The following CCDC85A variants were observed in gnomAD, a reference collection of about 807,000 sequenced individuals.
CCDC85A encodes the protein coiled-coil domain containing 85A.
A neutral mutation model predicts 50.2 loss-of-function variants in CCDC85A; 38 were observed. That is an observed-to-expected ratio of 0.76 (90% confidence interval 0.58 to 0.99). The LOEUF (loss-of-function observed/expected upper bound fraction) is 0.99. Ranked by LOEUF, CCDC85A falls within the 50% of genes least tolerant of loss-of-function variation. CCDC85A has a pLI of 0.00. For synonymous variants in CCDC85A, 366 were observed against 301.4 expected (o/e 1.21, Z -2.22); for missense variants, 820 against 742.0 (o/e 1.11, Z -1.22).
At chr2:56,270,630 A>T (rs183396909) in intron 2 of CCDC85A, among the ~76,000 whole-genome samples, 7 of 152,290 alleles carry the variant, frequency 4.6e-5, no homozygotes, top group Admixed American at 6.5e-5. Context: ...TTTCAAATTA[A>T]TTTTAATGAA....
intron 2 of CCDC85A, among the ~76,000 whole-genome samples, chr2:56,260,655 G>C (rs187770441): frequency 6.6e-6 from 1 of 152,204 alleles, no homozygotes; most frequent in African/African-American, 2.4e-5. Flanking sequence ...CTGCCAGGAA[G>C]CATCATTTGA....
intron 2 of CCDC85A, among the ~76,000 whole-genome samples, chr2:56,263,694 TA>T (rs1165181676): frequency 1.3e-5 from 2 of 152,242 alleles, no homozygotes; most frequent in Non-Finnish European, 2.9e-5. Flanking sequence ...GCCTTCTTCC[TA>T]TAGTAGAGAG....
intron 2 of CCDC85A, among the ~76,000 whole-genome samples, chr2:56,301,860 G>C (rs910494793): frequency 1.3e-5 from 2 of 152,158 alleles, no homozygotes; most frequent in African/African-American, 4.8e-5. Flanking sequence ...AATACGTGCA[G>C]GGCTTAAAAC....
rs145916052 is a variant in CCDC85A at position 56,327,003 on chromosome 2, A to G, written c.1241-15876A>G. On this transcript the variant is annotated intron_variant, in intron 2 of 5. Coordinates refer to ENST00000407595, the MANE Select transcript of CCDC85A (RefSeq NM_001080433.2). Reference sequence around the variant, plus strand: ...ACTACCATAATCAGAACTGGTATGCATCTATCACATGGATGTGCTTTATTC... The same window carrying G: ...ACTACCATAATCAGAACTGGTATGCGTCTATCACATGGATGTGCTTTATTC... Among the ~76,000 whole-genome samples the G allele has an allele frequency of 6.2e-4, 94 of 152,254 alleles. No individual in the cohort carries two copies. In the East Asian group the frequency reaches 0.016, roughly 26 times the overall value.
At chr2:56,202,287 C>G (rs1217374233) in intron 2 of CCDC85A, among the ~76,000 whole-genome samples, 1 of 152,210 alleles carries the variant, frequency 6.6e-6, no homozygotes, top group Non-Finnish European at 1.5e-5. Context: ...ACACACAGTT[C>G]ACAGCTGGAT....
At chr2:56,253,282 G>C (rs144669062) in intron 2 of CCDC85A, among the ~76,000 whole-genome samples, 135 of 152,308 alleles carry the variant, frequency 8.9e-4, no homozygotes, top group African/African-American at 3.2e-3. Flanking sequence ...TCTAGAGCAA[G>C]AGACTAGAAA....
At chr2:56,247,637 A>G (rs1669569459) in intron 2 of CCDC85A, among the ~76,000 whole-genome samples, 1 of 152,238 alleles carries the variant, frequency 6.6e-6, no homozygotes, top group African/African-American at 2.4e-5. Flanking sequence ...AACTGATAAA[A>G]GTGGCTCCTT....
chr2:56,344,764 C>T (rs942710605), intron 3 of CCDC85A, among the ~76,000 whole-genome samples: 1 of 151,966 alleles, frequency 6.6e-6, no homozygotes, highest in African/African-American at 2.4e-5. Context: ...AAGAAACCTA[C>T]AAAATCTAGT....
intron 3 of CCDC85A, among the ~76,000 whole-genome samples, chr2:56,351,806 T>A: frequency 6.6e-6 from 1 of 151,938 alleles, no homozygotes; most frequent in African/African-American, 2.4e-5. Context: ...GTAGGTTGCC[T>A]GTTCACTCCA....
At chr2:56,251,149 G>A (rs372485873) in intron 2 of CCDC85A, among the ~76,000 whole-genome samples, 32 of 152,304 alleles carry the variant, frequency 2.1e-4, no homozygotes, top group African/African-American at 6.5e-4. Flanking sequence ...GCAACAATGT[G>A]TTGGTGAACT....
intron 3 of CCDC85A, among the ~76,000 whole-genome samples, chr2:56,343,704 T>C (rs1316011658): frequency 6.6e-6 from 1 of 152,226 alleles, no homozygotes; most frequent in Non-Finnish European, 1.5e-5. Context: ...TAATGTTTTA[T>C]AACAAGAAGT....
intron 2 of CCDC85A, among the ~76,000 whole-genome samples, chr2:56,315,682 G>A (rs1235527378): frequency 6.6e-6 from 1 of 152,070 alleles, no homozygotes; most frequent in Non-Finnish European, 1.5e-5. Flanking sequence ...TAGTCAGTGG[G>A]GGCTCTGCCA....
intron 2 of CCDC85A, among the ~76,000 whole-genome samples, chr2:56,338,407 A>G (rs1013652057): frequency 2.6e-5 from 4 of 152,118 alleles, no homozygotes; most frequent in Admixed American, 2.0e-4. Context: ...AAAAAGGACA[A>G]AAAAGGGAAA....
chr2:56,275,891 C>A (rs1670912033), intron 2 of CCDC85A, among the ~76,000 whole-genome samples: 1 of 152,156 alleles, frequency 6.6e-6, no homozygotes, highest in African/African-American at 2.4e-5. Flanking sequence ...CTGAGTAAAT[C>A]TGACCTTTTG....
chr2:56,331,659 A>T (rs1419101938), intron 2 of CCDC85A, among the ~76,000 whole-genome samples: 1 of 152,158 alleles, frequency 6.6e-6, no homozygotes, highest in Non-Finnish European at 1.5e-5. Flanking sequence ...TTATATGCAA[A>T]CCATCAGTTT....
chr2:56,217,525 G>T (rs1163103052), intron 2 of CCDC85A, among the ~76,000 whole-genome samples: 1 of 151,674 alleles, frequency 6.6e-6, no homozygotes, highest in Non-Finnish European at 1.5e-5. Flanking sequence ...ACTTTTTTTG[G>T]TGCTTTAAAA....
intron 2 of CCDC85A, among the ~76,000 whole-genome samples, chr2:56,271,048 C>T (rs1015591713): frequency 5.3e-5 from 8 of 152,174 alleles, no homozygotes; most frequent in African/African-American, 1.9e-4. Flanking sequence ...AATGCAGTGG[C>T]TTGCCCAGTG....
At chr2:56,290,555 C>G (rs1470476624) in intron 2 of CCDC85A, among the ~76,000 whole-genome samples, 1 of 152,146 alleles carries the variant, frequency 6.6e-6, no homozygotes, top group Non-Finnish European at 1.5e-5. Flanking sequence ...AATAACATCA[C>G]TAGTGGTGAT....
intron 5 of CCDC85A, chr2:56,383,716 C>G (rs1676695884): frequency 4.1e-6 from 4 of 985,006 alleles, no homozygotes; most frequent in Middle Eastern, 5.2e-4. Flanking sequence ...GGCCCTAAGA[C>G]TACCACCTCA....
Sources: gnomAD v4.1 joint callset for allele counts (sites outside exome capture counted in the v4.1 genomes callset) on GRCh38, gnomAD v4.1.1 for gene constraint, MANE v1.5 for transcripts, NCBI Gene and HGNC (gene_info 2026-07-23, HGNC 2026-07-21) for gene names.